Variants in CFAP97 observed in about 807,000 individuals in gnomAD.
The protein encoded by CFAP97 is cilia and flagella associated protein 97.
Under a neutral mutation model 43.1 loss-of-function variants are expected in CFAP97, and 36 were observed. That is an observed-to-expected ratio of 0.84 (90% CI 0.64 to 1.10). The LOEUF (loss-of-function observed/expected upper bound fraction) is 1.10, where lower values mean the gene tolerates loss of function less well. Among genes scored for constraint, CFAP97 ranks in the 50% least tolerant of loss-of-function variants. CFAP97 has a pLI of 0.00. For missense variants in CFAP97, 657 were observed against 620.3 expected (o/e 1.06, Z -0.63); for synonymous variants, 228 against 225.7 (o/e 1.01, Z -0.09).
intron 1 of CFAP97, among the ~76,000 whole-genome samples, chr4:185,192,733 CT>C (rs760026667): frequency 3.2e-4 from 26 of 81,420 alleles, no homozygotes; most frequent in East Asian, 6.9e-4. Context: ...AATTGACCTT[CT>C]TTTTTTTTTT....
chr4:185,190,910 G>A lies in CFAP97; in HGVS notation c.287C>T (p.Ala96Val). The A allele has an allele frequency of 6.2e-7, 1 of 1,613,534 alleles. No individual in the cohort carries two copies. Among genetic ancestry groups the A allele is most frequent in the East Asian group, 2.2e-5 (1 of 44,874 alleles). Residue 96 changes from alanine (A) to valine (V), a missense_variant, in exon 2 of 5, where the codon GCC becomes GTC. By Grantham distance (64) the Ala-to-Val change is moderately conservative. Transcript: ENST00000458385. ...ACACAATTTTTTTGATCTTGAAGAGGCTGGCAATGAGAAAGAACTTACAGT... is the reference window on the plus strand; with the variant it reads ...ACACAATTTTTTTGATCTTGAAGAGACTGGCAATGAGAAAGAACTTACAGT... ...TQTVSSFSLP[A>V]SSRSKKLCDV...
At position 185,162,763 on chromosome 4, in the gene CFAP97, A is replaced by G; in HGVS notation, c.*35T>C. ...GAATATGCACGAGCACTTCAAGAAA[A>G]GTTGTGTGAACAATGTTTAAAGTAA... On this transcript the variant is annotated 3_prime_UTR_variant, in exon 5 of 5. Coordinates refer to ENST00000458385, the MANE Select transcript of CFAP97 (RefSeq NM_020827.3). 1 of 1,602,884 alleles carries G rather than the reference A, an allele frequency of 6.2e-7. No individual in the cohort carries two copies. Among genetic ancestry groups the G allele is most frequent in the Non-Finnish European group, 8.5e-7 (1 of 1,173,806 alleles).
chr4:185,190,114 A>G, intron 2 of CFAP97, 29 bp downstream of exon 2: 2 of 1,484,228 alleles, frequency 1.3e-6, no homozygotes, highest in Middle Eastern at 1.8e-4. Flanking sequence ...ATATTTAAAC[A>G]CACATTTTTA....
chr4:185,178,240 CTTTTTTTTT>C (rs562452947), intron 2 of CFAP97, among the ~76,000 whole-genome samples: 11 of 64,222 alleles, frequency 1.7e-4, no homozygotes, highest in African/African-American at 5.6e-4. Flanking sequence ...CGGTTTTTGT[CTTTTTTTTT>C]TTTTTTTTTT....
chr4:185,209,901 T>A, upstream of CFAP97: 1 of 983,008 alleles, frequency 1.0e-6, no homozygotes. This position sits in a 1 kb window ranked among gnomAD's most constrained non-coding sequence, Gnocchi z 5.2. Context: ...GCGGCCGTCC[T>A]GTCTCGGGCT....
chr4:185,196,501 A>G (rs1736553256), intron 1 of CFAP97, among the ~76,000 whole-genome samples: 1 of 151,912 alleles, frequency 6.6e-6, no homozygotes, highest in Non-Finnish European at 1.5e-5. Context: ...TACATATTAT[A>G]AGAGTAAGTT....
chr4:185,164,133 T>C lies in CFAP97; in HGVS notation c.1367A>G (p.Lys456Arg), dbSNP rs1734979220. 1.2e-6 allele frequency: 2 copies of C among 1,614,006 alleles called. No individual in the cohort carries two copies. Among genetic ancestry groups the C allele is most frequent in the East Asian group, 2.2e-5 (1 of 44,876 alleles). ...ATAGTCCATCAGTTGTTCTGAACGT[T>C]TCATACCAACTGTTGGTTTCACGGC... ...LEAVKPTVGMKRSEQLMDYHR... is the reference protein window; with the variant it reads ...LEAVKPTVGMRRSEQLMDYHR... The change falls in exon 4 of 5, where the codon AAA becomes AGA. Residue 456 changes from lysine (K) to arginine (R), a missense_variant. Lys to Arg is a conservative substitution (Grantham distance 26). Transcript: ENST00000458385.
chr4:185,204,073 T>TGCGGCCCTCGC (rs1737072305), upstream of CFAP97: 1 of 150,492 alleles, frequency 6.6e-6, no homozygotes, highest in African/African-American at 2.4e-5. Context: ...CCGGGCCTCG[T>TGCGGCCCTCGC]GCGGCCCTCG....
rs560203334 is a variant in CFAP97 at position 185,169,631 on chromosome 4, C to T, written c.1321-5452G>A. ...TCTTTGGAAAAAAAATTAACCTAGCCCATCTTTTGATGTTTAAACAAATGT... is the reference window on the plus strand; with the variant it reads ...TCTTTGGAAAAAAAATTAACCTAGCTCATCTTTTGATGTTTAAACAAATGT... On this transcript the variant is annotated intron_variant, in intron 3 of 4. Coordinates refer to ENST00000458385, the MANE Select transcript of CFAP97 (RefSeq NM_020827.3). 6.7e-5 allele frequency: 66 copies of T among 984,940 alleles called. 1 individual carries two copies. In the African/African-American group the frequency reaches 1.0e-3, roughly 16 times the overall value. 61.0% of individuals were successfully genotyped at this position (984,940 alleles called of 1,614,324 possible). A position where few individuals can be genotyped will look rare whatever the true frequency, so the allele number is the denominator to read the frequency against.
rs746018459 is a variant in CFAP97 at position 185,175,913 on chromosome 4, A to G, written c.1193T>C (p.Leu398Pro). The change falls in exon 3 of 5, where the codon CTG becomes CCG. Residue 398 changes from leucine to proline, a missense_variant. Leu to Pro is a moderately conservative substitution (Grantham distance 98, BLOSUM62 -3). Coordinates refer to ENST00000458385, the MANE Select transcript of CFAP97 (RefSeq NM_020827.3). The part of the protein sequence containing the change: ...DRENQRLLKE[L>P]SRQAEKPGSK... ...TCCCGGCTTTTCCGCCTGTCTTGACAGTTCTTTCAAAAGCCTCTGATTTTC... is the reference window on the plus strand; with the variant it reads ...TCCCGGCTTTTCCGCCTGTCTTGACGGTTCTTTCAAAAGCCTCTGATTTTC... 22 of 1,613,784 alleles carry G rather than the reference A, an allele frequency of 1.4e-5. No homozygotes were observed. Among genetic ancestry groups the G allele is most frequent in the Non-Finnish European group, 1.7e-5 (20 of 1,179,888 alleles).
At chr4:185,181,935 T>C (rs1276158591) in intron 2 of CFAP97, among the ~76,000 whole-genome samples, 1 of 152,176 alleles carries the variant, frequency 6.6e-6, no homozygotes, top group Non-Finnish European at 1.5e-5. Context: ...GGCACTTCAC[T>C]TCAATCCCTC....
At chr4:185,209,647 G>A, upstream of CFAP97, 2 of 748,618 alleles carry the variant, frequency 2.7e-6, no homozygotes, top group Non-Finnish European at 3.3e-6. This position sits in a 1 kb window ranked among gnomAD's most constrained non-coding sequence, Gnocchi z 5.2. Flanking sequence ...GGCAGCTACG[G>A]GCCCAGCGCC....
At position 185,209,098 on chromosome 4, in the gene CFAP97, A is replaced by G. The variant is rs930152025; in HGVS notation, c.-74+227T>C. Among the ~76,000 whole-genome samples, 2 of 152,226 alleles carry G rather than the reference A, an allele frequency of 1.3e-5. No individual in the cohort carries two copies. The highest frequency in any genetic ancestry group is 4.8e-5 in the African/African-American group (2 of 41,460). The stretch of plus-strand genomic sequence containing the variant: ...CAGGCCGACTTCTTTGGACCTTTCC[A>G]TAGCTAGGAATTGCAGGCTTCACTT... On this transcript the variant is annotated intron_variant, in intron 1 of 2. Coordinates refer to the CFAP97 transcript ENST00000503223. This position sits in a 1 kb window ranked among gnomAD's most constrained non-coding sequence, Gnocchi z 5.2.
intron 2 of CFAP97, among the ~76,000 whole-genome samples, chr4:185,177,595 A>T (rs115750235): frequency 0.028 from 4,273 of 152,116 alleles, 186 homozygotes; most frequent in African/African-American, 0.098. Context: ...AGCACTCTGG[A>T]AGGCAGGGAT....
In CFAP97 at chr4:185,193,828, C is replaced by T. The variant is rs1027354610; in HGVS notation, c.-16-2616G>A. Reference sequence around the variant, plus strand: ...GCTGAAACCCAGGAGACAGAGGCTGCAGTGAGCTGAGATCGCACCACTGCA... The same window carrying T: ...GCTGAAACCCAGGAGACAGAGGCTGTAGTGAGCTGAGATCGCACCACTGCA... On this transcript the variant is annotated intron_variant, in intron 1 of 4. Coordinates refer to ENST00000458385, the MANE Select transcript of CFAP97 (RefSeq NM_020827.3). Among the ~76,000 whole-genome samples the T allele has an allele frequency of 7.9e-5, 12 of 152,036 alleles. 1 individual carries two copies. The highest frequency in any genetic ancestry group is 6.5e-5 in the Admixed American group (1 of 15,280).
upstream of CFAP97, chr4:185,209,680 C>T (rs1737432971): frequency 4.2e-6 from 4 of 955,594 alleles, no homozygotes; most frequent in Non-Finnish European, 5.0e-6. The surrounding 1 kb of genome is among the most constrained non-coding windows in gnomAD (Gnocchi z 5.2). Context: ...TGAGGGGTCG[C>T]CGAGAGGGGC....
intron 3 of CFAP97, chr4:185,169,159 T>C (rs1735186099): frequency 6.6e-6 from 1 of 152,230 alleles, no homozygotes; most frequent in South Asian, 2.1e-4. Context: ...AGATCTAATG[T>C]ACAGCATGTT....
At chr4:185,173,362 T>TA (rs11345517) in intron 3 of CFAP97, among the ~76,000 whole-genome samples, 49,789 of 127,430 alleles carry the variant, frequency 0.39, 11,443 homozygotes, top group East Asian at 0.58. Flanking sequence ...CTCCGTCTCT[T>TA]AAAAAAAAAA....
chr4:185,190,655 G>T lies in CFAP97; in HGVS notation c.542C>A (p.Ser181Tyr). Residue 181 changes from serine (S) to tyrosine (Y), a missense_variant, in exon 2 of 5, where the codon TCT becomes TAT. Physicochemically the swap from Ser to Tyr is moderately radical, Grantham distance 144 (BLOSUM62 -2). Coordinates refer to ENST00000458385, the MANE Select transcript of CFAP97 (RefSeq NM_020827.3). ...TAAACAATCTGTACCTGAACCTGAA[G>T]ATGAGGAAGATAAAGAGGAGGAGGA... is the stretch of plus-strand genomic sequence containing the variant. ...SSSSSSLSSSSSGSGTDCLDA... is the reference protein window; with the variant it reads ...SSSSSSLSSSYSGSGTDCLDA... The T allele has an allele frequency of 6.3e-7, 1 of 1,582,638 alleles. No individual in the cohort carries two copies. Among genetic ancestry groups the T allele is most frequent in the Non-Finnish European group, 8.6e-7 (1 of 1,163,180 alleles).
Sources: allele counts gnomAD v4.1 joint callset (sites outside exome capture counted in the v4.1 genomes callset), GRCh38; gene constraint gnomAD v4.1.1; non-coding constraint Gnocchi (gnomAD v3.1); transcripts MANE v1.5; gene names NCBI Gene and HGNC (gene_info 2026-07-23, HGNC 2026-07-21).